Variants in MAF observed in about 807,000 individuals in gnomAD.
MAF encodes the protein MAF bZIP transcription factor.
A neutral mutation model predicts 22.0 loss-of-function variants in MAF; 10 were observed. The ratio of observed to expected loss-of-function variants is 0.45; its 90% CI spans 0.28 to 0.77. The LOEUF is 0.77. Ranked by LOEUF, MAF falls within the 30% of genes least tolerant of loss-of-function variation. MAF has a pLI of 0.12. For synonymous variants in MAF, 337 were observed against 255.8 expected, an observed-to-expected ratio of 1.32 and a Z score of -3.03; for missense variants, 544 against 548.4, an observed-to-expected ratio of 0.99 and a Z score of 0.08.
At chr16:79,465,795 T>C in the MAF span, among the ~76,000 whole-genome samples, 1 of 152,134 alleles carries the variant, frequency 6.6e-6, no homozygotes, top group African/African-American at 2.4e-5. Context: ...AGGGTCTATC[T>C]CCAATAGGTA....
the MAF span, among the ~76,000 whole-genome samples, chr16:79,441,565 A>G: frequency 6.6e-6 from 1 of 152,260 alleles, no homozygotes; most frequent in Admixed American, 6.5e-5. Context: ...ACATTTTTAC[A>G]GATCAAAAAA....
chr16:79,313,290 G>C, the MAF span, among the ~76,000 whole-genome samples: 3 of 152,246 alleles, frequency 2.0e-5, no homozygotes, highest in African/African-American at 7.2e-5. Context: ...CACAGCAGAA[G>C]GGGGAAGAAA....
the MAF span, among the ~76,000 whole-genome samples, chr16:79,544,877 T>C: frequency 2.6e-5 from 4 of 152,112 alleles, no homozygotes; most frequent in Admixed American, 2.6e-4. Flanking sequence ...TTGGTAAAAC[T>C]GAAATCACAG....
the MAF span, among the ~76,000 whole-genome samples, chr16:79,539,202 T>C: frequency 6.6e-6 from 1 of 152,230 alleles, no homozygotes; most frequent in African/African-American, 2.4e-5. Flanking sequence ...TCTTATTATA[T>C]GCATTAAGTT....
At chr16:79,594,995 A>G in intron 1 of MAF, 1 of 1,074,162 alleles carries the variant, frequency 9.3e-7, no homozygotes, top group African/African-American at 1.6e-5. Flanking sequence ...AACTGCAATA[A>G]CTACATCCAG....
At chr16:79,220,190 A>C in the MAF span, among the ~76,000 whole-genome samples, 3 of 146,862 alleles carry the variant, frequency 2.0e-5, no homozygotes, top group Non-Finnish European at 3.0e-5. Context: ...CAGGAGGTGG[A>C]AGCTGCTGTG....
downstream of MAF, among the ~76,000 whole-genome samples, chr16:79,584,361 A>G (rs192983931): frequency 1.4e-3 from 219 of 152,320 alleles, no homozygotes; most frequent in African/African-American, 4.7e-3. Flanking sequence ...TCAGCTTATA[A>G]TATCTAATAT....
At chr16:79,481,075 A>G in the MAF span, among the ~76,000 whole-genome samples, 2 of 152,192 alleles carry the variant, frequency 1.3e-5, no homozygotes, top group Admixed American at 6.5e-5. Context: ...CCTAACCACC[A>G]GAATGTAAGC....
At chr16:79,392,937 A>G in the MAF span, among the ~76,000 whole-genome samples, 1 of 152,212 alleles carries the variant, frequency 6.6e-6, no homozygotes, top group Non-Finnish European at 1.5e-5. Context: ...CACCCCAGTA[A>G]TGGTGGACTC....
At chr16:79,425,799 C>T in the MAF span, among the ~76,000 whole-genome samples, 1 of 152,022 alleles carries the variant, frequency 6.6e-6, no homozygotes, top group Non-Finnish European at 1.5e-5. Flanking sequence ...TCCAGTTTTA[C>T]AGAGAAGGAA....
the MAF span, among the ~76,000 whole-genome samples, chr16:79,238,943 G>A: frequency 1.3e-5 from 2 of 151,856 alleles, no homozygotes; most frequent in Non-Finnish European, 1.5e-5. Context: ...ACCACCAGGG[G>A]AAGTGAGGAC....
the MAF span, among the ~76,000 whole-genome samples, chr16:79,323,255 G>C: frequency 2.7e-5 from 4 of 149,970 alleles, no homozygotes; most frequent in Non-Finnish European, 5.9e-5. Context: ...GGTTCAACTG[G>C]AAGGGGGGAT....
chr16:79,342,608 GTCACCA>G, the MAF span, among the ~76,000 whole-genome samples: 72 of 150,992 alleles, frequency 4.8e-4, no homozygotes, highest in African/African-American at 1.4e-3. Context: ...CATCATCATT[GTCACCA>G]TCACCATCAC....
At chr16:79,334,229 T>A in the MAF span, among the ~76,000 whole-genome samples, 1 of 152,106 alleles carries the variant, frequency 6.6e-6, no homozygotes, top group Non-Finnish European at 1.5e-5. Context: ...GAAAACACAT[T>A]GGGCTGCAGT....
At chr16:79,590,692 T>A (rs778656296), downstream of MAF, among the ~76,000 whole-genome samples, 4 of 151,768 alleles carry the variant, frequency 2.6e-5, no homozygotes, top group African/African-American at 4.8e-5. Flanking sequence ...AGATCCTTCT[T>A]GGTGGGAGGT....
At chr16:79,563,320 C>T in the MAF span, among the ~76,000 whole-genome samples, 3 of 152,174 alleles carry the variant, frequency 2.0e-5, no homozygotes, top group Admixed American at 6.5e-5. Flanking sequence ...GTCTCTAGAA[C>T]TAAATTATTA....
chr16:79,351,404 G>T, the MAF span, among the ~76,000 whole-genome samples: 1 of 152,100 alleles, frequency 6.6e-6, no homozygotes, highest in Non-Finnish European at 1.5e-5. Context: ...GTGTGTTCAG[G>T]GTTCATGCTC....
the MAF span, among the ~76,000 whole-genome samples, chr16:79,495,245 T>C: frequency 6.6e-6 from 1 of 152,166 alleles, no homozygotes. Flanking sequence ...GAGGATTGCT[T>C]GAAACCAGCA....
At chr16:79,595,127 A>C in intron 1 of MAF, 4 of 921,252 alleles carry the variant, frequency 4.3e-6, no homozygotes, top group Non-Finnish European at 5.3e-6. Context: ...TGATGAGGAA[A>C]AAAAAAAAAA....
Sources: allele counts gnomAD v4.1 joint callset (sites outside exome capture counted in the v4.1 genomes callset), GRCh38; gene constraint gnomAD v4.1.1; transcripts MANE v1.5; gene names NCBI Gene and HGNC (gene_info 2026-07-23, HGNC 2026-07-21).